LAMB4: variants seen among roughly 807,000 people sequenced by gnomAD.
LAMB4 encodes laminin subunit beta-4.
LAMB4 carries 196 observed loss-of-function variants against 199.2 expected under a neutral mutation model. The ratio of observed to expected loss-of-function variants is 0.98; its 90% confidence interval spans 0.88 to 1.11. The LOEUF (loss-of-function observed/expected upper bound fraction) is 1.11, where lower values mean the gene tolerates loss of function less well. LAMB4 is among the 50% of genes least tolerant of loss of function. The pLI is 0.00. For missense variants in LAMB4, 2,080 were observed against 2,171.2 expected (o/e 0.96, Z 0.83); for synonymous variants, 744 against 770.6 (o/e 0.97, Z 0.57).
chr7:108,018,078 G>A, the LAMB4 span, among the ~76,000 whole-genome samples: 1 of 152,216 alleles, frequency 6.6e-6, no homozygotes, highest in Non-Finnish European at 1.5e-5. Context: ...TGGGGTACCC[G>A]CAAAGAGACT....
chr7:108,087,352 G>C (rs926312941), intron 14 of LAMB4, among the ~76,000 whole-genome samples: 3 of 152,168 alleles, frequency 2.0e-5, no homozygotes, highest in African/African-American at 7.2e-5. Flanking sequence ...TGTGTAAGAG[G>C]TACTGGCTTT....
the LAMB4 span, among the ~76,000 whole-genome samples, chr7:108,017,424 G>A: frequency 1.3e-5 from 2 of 152,172 alleles, no homozygotes. Context: ...AGGGTGGAGG[G>A]CAGGAAAGGT....
Position 108,049,369 on chromosome 7 carries a change from A to C in LAMB4, c.4079T>G (p.Leu1360Ter). 4 of 1,585,952 alleles carry C rather than the reference A, an allele frequency of 2.5e-6. No individual in the cohort carries two copies. The highest frequency in any genetic ancestry group is 3.5e-6 in the Non-Finnish European group (4 of 1,156,634). The change falls in exon 27 of 34, where the codon TTA (leucine) becomes TGA (stop). Residue 1360 changes from leucine to a stop codon, truncating the protein, a stop_gained. Coordinates refer to ENST00000388781, the MANE Select transcript of LAMB4 (RefSeq NM_007356.3). LOFTEE classifies it high-confidence loss of function. ...TSKGNLSLER[L>*]KQIKIPDIQI... ...GATATCTGGTATCTTAATCTGCTTT[A>C]ATCTTTCCAATGACAAGTTTCCTTT...
chr7:108,057,382 A>T (rs2036017003), intron 24 of LAMB4, among the ~76,000 whole-genome samples: 1 of 152,206 alleles, frequency 6.6e-6, no homozygotes, highest in African/African-American at 2.4e-5. Context: ...CCCAGAGAAA[A>T]TCATTCAGAA....
At chr7:108,127,733 G>A (rs1159551694) in intron 1 of LAMB4, among the ~76,000 whole-genome samples, 10 of 152,182 alleles carry the variant, frequency 6.6e-5, no homozygotes, top group Admixed American at 6.5e-4. Context: ...GAACGCTCAA[G>A]TTTGAGAACC....
At chr7:108,058,284 C>T (rs150841402) in intron 23 of LAMB4, among the ~76,000 whole-genome samples, 207 of 152,344 alleles carry the variant, frequency 1.4e-3, no homozygotes, top group Middle Eastern at 6.8e-3. Context: ...AGGCCAAAGA[C>T]CTGGTCTAAC....
intron 12 of LAMB4, among the ~76,000 whole-genome samples, chr7:108,094,131 T>C (rs2150620577): frequency 6.6e-6 from 1 of 152,332 alleles, no homozygotes; most frequent in Non-Finnish European, 1.5e-5. Context: ...TGTTCAGTTA[T>C]TTTGCTTGCT....
chr7:108,090,825 T>A (rs1234525817), intron 14 of LAMB4, among the ~76,000 whole-genome samples: 4 of 152,184 alleles, frequency 2.6e-5, no homozygotes, highest in African/African-American at 9.7e-5. Flanking sequence ...TCATTTGGAT[T>A]CCACCTACCG....
At chr7:108,012,152 A>G in the LAMB4 span, among the ~76,000 whole-genome samples, 1 of 151,870 alleles carries the variant, frequency 6.6e-6, no homozygotes, top group Non-Finnish European at 1.5e-5. Flanking sequence ...TTCTATTTCT[A>G]TAAATAAAAT....
chr7:108,080,951 G>A (rs536070878), intron 14 of LAMB4, among the ~76,000 whole-genome samples: 10 of 152,014 alleles, frequency 6.6e-5, no homozygotes, highest in South Asian at 6.2e-4. Flanking sequence ...GTGAAATCCC[G>A]TCTCTACTAA....
intron 4 of LAMB4, among the ~76,000 whole-genome samples, chr7:108,111,417 C>T (rs1563103688): frequency 6.6e-6 from 1 of 152,360 alleles, no homozygotes; most frequent in East Asian, 1.9e-4. Flanking sequence ...GGAAAAAGCA[C>T]TTGGCGCTAA....
chr7:108,074,393 G>A (rs2036627658), intron 17 of LAMB4, among the ~76,000 whole-genome samples: 1 of 152,112 alleles, frequency 6.6e-6, no homozygotes, highest in Non-Finnish European at 1.5e-5. Context: ...TTTTGAGACA[G>A]CGTCTTGCTC....
At chr7:108,096,444 G>A (rs2037600140) in intron 11 of LAMB4, among the ~76,000 whole-genome samples, 1 of 152,088 alleles carries the variant, frequency 6.6e-6, no homozygotes, top group East Asian at 1.9e-4. Flanking sequence ...TTTGGCTAGT[G>A]TTGCTGTGAA....
chr7:108,077,018 A>G lies in LAMB4; in HGVS notation c.2050T>C (p.Tyr684His). 6.2e-7 allele frequency: 1 copy of G among 1,613,852 alleles called. No individual in the cohort carries two copies. Among genetic ancestry groups the G allele is most frequent in the South Asian group, 1.1e-5 (1 of 91,078 alleles). The change falls in exon 17 of 34, where the codon TAT (tyrosine) becomes CAT (histidine). Residue 684 changes from tyrosine to histidine, a missense_variant. Transcript: ENST00000388781. ...TPICLEPDVQ[Y>H]SIDVYFSQPL... ...TGAGAAAAATAGACATCTATGGAAT[A>G]TTGTACATCTGGTTCTAAACAGATG... is the stretch of plus-strand genomic sequence containing the variant.
the LAMB4 span, among the ~76,000 whole-genome samples, chr7:108,012,195 T>C: frequency 6.6e-6 from 1 of 151,932 alleles, no homozygotes; most frequent in African/African-American, 2.4e-5. Context: ...ATGAATAAAG[T>C]TCTAGAAGGA....
At chr7:108,102,973 G>T in intron 10 of LAMB4, 71 bp downstream of exon 10, 1 of 1,345,734 alleles carries the variant, frequency 7.4e-7, no homozygotes, top group Non-Finnish European at 1.0e-6. Flanking sequence ...TAAGGTGCGG[G>T]CAGCCCCAGT....
At chr7:108,109,785 T>G (rs1254128690) in intron 4 of LAMB4, among the ~76,000 whole-genome samples, 1 of 152,076 alleles carries the variant, frequency 6.6e-6, no homozygotes, top group Non-Finnish European at 1.5e-5. Flanking sequence ...TGGTCAGTGT[T>G]TTGCACTGAG....
rs1378088487 is a variant in LAMB4, at chr7:108,059,981, GA to G, written c.3283-2054del. On this transcript the variant is annotated intron_variant, in intron 23 of 33. Transcript: ENST00000388781. ...CTCCAACTCCATCTAAAGTGTTGAT[GA>G]AAATATTGGATGGCACATTTGGATC... Among the ~76,000 whole-genome samples the G allele has an allele frequency of 2.0e-5, 3 of 152,144 alleles. No homozygotes were observed. The East Asian group carries it at 5.8e-4, about 29-fold the overall frequency.
chr7:108,041,685 GC>G (rs1356454745), intron 29 of LAMB4, among the ~76,000 whole-genome samples: 1 of 152,158 alleles, frequency 6.6e-6, no homozygotes, highest in African/African-American at 2.4e-5. Flanking sequence ...ATAAATGGGA[GC>G]TAAATGATGA....
Sources: allele counts gnomAD v4.1 joint callset (sites outside exome capture counted in the v4.1 genomes callset), GRCh38; gene constraint gnomAD v4.1.1; transcripts MANE v1.5; gene names NCBI Gene and HGNC (gene_info 2026-07-23, HGNC 2026-07-21).